Variants in CNDP1 observed in about 807,000 individuals in gnomAD.
CNDP1 encodes carnosine dipeptidase 1.
Under a neutral mutation model 58.1 loss-of-function variants are expected in CNDP1, and 44 were observed. That is an observed-to-expected ratio of 0.76 (90% CI 0.60 to 0.97). CNDP1 has a LOEUF of 0.97. Ranked by LOEUF, CNDP1 falls within the 50% of genes least tolerant of loss-of-function variation. The pLI is 0.00. For missense variants in CNDP1, 616 were observed against 655.1 expected (o/e 0.94, Z 0.65); for synonymous variants, 254 against 252.6 (o/e 1.01, Z -0.05).
intron 7 of CNDP1, among the ~76,000 whole-genome samples, chr18:74,571,511 A>C (rs1173737951): frequency 6.6e-6 from 1 of 152,184 alleles, no homozygotes; most frequent in Non-Finnish European, 1.5e-5. Flanking sequence ...ATTGTGACAC[A>C]TAGCCATACT....
chr18:74,560,432 G>A (rs1229521348), intron 3 of CNDP1, among the ~76,000 whole-genome samples: 1 of 152,190 alleles, frequency 6.6e-6, no homozygotes, highest in African/African-American at 2.4e-5. Context: ...TCTTGGCTGG[G>A]TGTGGCATCT....
chr18:74,561,869 A>G (rs1981208262), intron 4 of CNDP1, 178 bp from the exon 5 acceptor site: 2 of 549,900 alleles, frequency 3.6e-6, no homozygotes, highest in South Asian at 2.0e-5. Flanking sequence ...AGGATCTCTT[A>G]TGTACAGTCT....
intron 6 of CNDP1, among the ~76,000 whole-genome samples, chr18:74,567,743 C>A (rs1363113055): frequency 6.6e-6 from 1 of 152,182 alleles, no homozygotes; most frequent in Non-Finnish European, 1.5e-5. Flanking sequence ...GGTATGGCAG[C>A]CACAGGGAGG....
At chr18:74,552,851 C>T (rs1367167455) in intron 1 of CNDP1, among the ~76,000 whole-genome samples, 1 of 152,202 alleles carries the variant, frequency 6.6e-6, no homozygotes, top group Non-Finnish European at 1.5e-5. Flanking sequence ...GATCAAGGAA[C>T]TTTCCGACTG....
chr18:74,572,808 A>AAAAAAG (rs1555710825), intron 7 of CNDP1, among the ~76,000 whole-genome samples: 4 of 135,420 alleles, frequency 3.0e-5, no homozygotes, highest in South Asian at 2.6e-4. Context: ...AAAAAAAAAA[A>AAAAAAG]AAAGAAAGAA....
intron 7 of CNDP1, among the ~76,000 whole-genome samples, chr18:74,572,140 C>T (rs568094351): frequency 5.9e-5 from 9 of 152,114 alleles, no homozygotes; most frequent in Admixed American, 2.6e-4. Flanking sequence ...GGCACAGCGA[C>T]GCCGACGAGT....
intron 5 of CNDP1, among the ~76,000 whole-genome samples, chr18:74,566,568 T>C (rs1555710261): frequency 1.3e-5 from 2 of 152,248 alleles, no homozygotes; most frequent in Non-Finnish European, 2.9e-5. Flanking sequence ...CATGAGTCTC[T>C]TTGCTAAAAC....
chr18:74,570,033 C>A (rs1019698479), intron 6 of CNDP1, among the ~76,000 whole-genome samples: 334 of 93,890 alleles, frequency 3.6e-3, no homozygotes, highest in African/African-American at 4.7e-3. Flanking sequence ...GAAGAAAATA[C>A]AAAAAAAAAA....
intron 9 of CNDP1, 118 bp downstream of exon 9, chr18:74,578,445 CAA>C: frequency 9.8e-7 from 1 of 1,018,814 alleles, no homozygotes; most frequent in South Asian, 1.6e-5. Context: ...TTTTCCAACA[CAA>C]GAGGAGTGGA....
In CNDP1 at chr18:74,583,944, G is replaced by C. The variant is rs940601019; in HGVS notation, c.1457+236G>C. 8 of 520,834 alleles carry C rather than the reference G, an allele frequency of 1.5e-5. No homozygotes were observed. The Admixed American group carries it at 2.0e-4, about 13-fold the overall frequency. The allele number at this position is 520,834 out of a possible 1,614,324, so 32.3% of individuals were successfully genotyped here. ...TGTCTTCCTGGCCGTCCCTGCGATG[G>C]TGGGGTTAGGTGGTTCTGGTGTCTC... is the stretch of plus-strand genomic sequence containing the variant. On this transcript the variant is annotated intron_variant, in intron 11 of 11. Coordinates refer to ENST00000358821, the MANE Select transcript of CNDP1 (RefSeq NM_032649.6).
Position 74,552,862 on chromosome 18 carries a change from T to C in CNDP1, c.25-3476T>C, listed in dbSNP as rs142191043. The stretch of plus-strand genomic sequence containing the variant: ...AATTGATCAAGGAACTTTCCGACTG[T>C]TTTCCACAGTGGCTGTAGGCTTTTG... On this transcript the variant is annotated intron_variant, in intron 1 of 11. Coordinates refer to ENST00000358821, the MANE Select transcript of CNDP1 (RefSeq NM_032649.6). 1.2e-4 allele frequency among the ~76,000 whole-genome samples: 19 copies of C among 152,340 alleles called. No homozygotes were observed. In the East Asian group the frequency reaches 3.1e-3, roughly 25 times the overall value.
At chr18:74,583,756 A>G (rs374533375) in intron 11 of CNDP1, 48 bp downstream of exon 11, 14 of 1,588,588 alleles carry the variant, frequency 8.8e-6, no homozygotes, top group African/African-American at 1.3e-5. Flanking sequence ...CCTTTACTGC[A>G]CACACCCGGG....
rs747577303 is a variant in CNDP1, at chr18:74,567,348, T to C, written c.671T>C (p.Ile224Thr). The C allele has an allele frequency of 1.2e-5, 19 of 1,614,038 alleles. No homozygotes were observed. Among genetic ancestry groups the C allele is most frequent in the South Asian group, 4.4e-5 (4 of 91,082 alleles). ...KDRFFSGVDY[I>T]VISDNLWISQ... ...CGATTCTTCTCTGGTGTGGACTACA[T>C]TGTAATTTCAGATAACCTGTGGATC... The change falls in exon 6 of 12, where the codon ATT becomes ACT. Residue 224 changes from isoleucine (I) to threonine (T), a missense_variant. Coordinates refer to ENST00000358821, the MANE Select transcript of CNDP1 (RefSeq NM_032649.6).
chr18:74,563,755 C>T (rs1412175215), intron 5 of CNDP1, among the ~76,000 whole-genome samples: 3 of 152,184 alleles, frequency 2.0e-5, no homozygotes, highest in South Asian at 2.1e-4. Flanking sequence ...TTCTAGGAGG[C>T]AGAGTGAGCA....
At chr18:74,539,131 A>AT (rs1836843201) in intron 1 of CNDP1, among the ~76,000 whole-genome samples, 1 of 149,928 alleles carries the variant, frequency 6.7e-6, no homozygotes, top group African/African-American at 2.4e-5. Context: ...ATACATGGAC[A>AT]TTCGCTGCAA....
intron 10 of CNDP1, among the ~76,000 whole-genome samples, chr18:74,581,088 C>T (rs573660218): frequency 1.5e-4 from 23 of 152,290 alleles, no homozygotes; most frequent in South Asian, 1.5e-3. Context: ...CTGGGCTGGC[C>T]GGCAGGGATC....
At chr18:74,559,026 C>T (rs1981116168) in intron 2 of CNDP1, among the ~76,000 whole-genome samples, 1 of 152,124 alleles carries the variant, frequency 6.6e-6, no homozygotes, top group South Asian at 2.1e-4. Context: ...ACTTGCCCTC[C>T]TGTACAGCCC....
At chr18:74,546,035 T>A (rs1465372761) in intron 1 of CNDP1, among the ~76,000 whole-genome samples, 1 of 152,204 alleles carries the variant, frequency 6.6e-6, no homozygotes, top group Non-Finnish European at 1.5e-5. Context: ...TAGAGTATAC[T>A]TCAATGTATC....
At chr18:74,562,176 G>A in intron 5 of CNDP1, 41 bp downstream of exon 5, 1 of 1,569,230 alleles carries the variant, frequency 6.4e-7, no homozygotes, top group South Asian at 1.1e-5. Context: ...GGAGGAGGAT[G>A]GTAACGACAA....
Sources: gnomAD v4.1 joint callset for allele counts (sites outside exome capture counted in the v4.1 genomes callset) on GRCh38, gnomAD v4.1.1 for gene constraint, MANE v1.5 for transcripts, NCBI Gene and HGNC (gene_info 2026-07-23, HGNC 2026-07-21) for gene names.